Variants in PCDHA10 observed in about 807,000 individuals in gnomAD.
The protein encoded by PCDHA10 is protocadherin alpha 10.
A neutral mutation model predicts 61.2 loss-of-function variants in PCDHA10; 45 were observed. The ratio of observed to expected loss-of-function variants is 0.74; its 90% CI spans 0.58 to 0.94. The LOEUF (loss-of-function observed/expected upper bound fraction) is 0.94, where lower values mean the gene tolerates loss of function less well. Ranked by LOEUF, PCDHA10 falls within the 40% of genes least tolerant of loss-of-function variation. The pLI is 0.00. For synonymous variants in PCDHA10, 602 were observed against 548.8 expected (o/e 1.10, Z -1.35); for missense variants, 1,278 against 1,236.2 (o/e 1.03, Z -0.51).
At chr5:140,968,657 G>C in intron 1 of PCDHA10, 1 of 1,614,142 alleles carries the variant, frequency 6.2e-7, no homozygotes, top group Non-Finnish European at 8.5e-7. Context: ...TTCTGACCTG[G>C]ACCTCTTTAA....
intron 1 of PCDHA10, chr5:140,863,746 C>T (rs902419131): frequency 8.2e-6 from 2 of 244,508 alleles, no homozygotes; most frequent in Non-Finnish European, 1.6e-5. Context: ...TATTTGTAAT[C>T]CCGGCACTTT....
rs1554189151 is a variant in PCDHA10, at chr5:140,900,427, G to GCA, written c.2388+41992_2388+41993insAC. On this transcript the variant is annotated intron_variant, in intron 1 of 3. Transcript: ENST00000307360. ...CAAGTAGCTGGGATTATAGGCACGT[G>GCA]CCACCACGGCCGGCTAATTTTTTAT... 7.9e-5 allele frequency among the ~76,000 whole-genome samples: 12 copies of GCA among 152,230 alleles called. No homozygotes were observed. The East Asian group carries it at 2.3e-3, about 30-fold the overall frequency.
chr5:140,978,406 T>C (rs1268497033), intron 1 of PCDHA10, among the ~76,000 whole-genome samples: 1 of 152,206 alleles, frequency 6.6e-6, no homozygotes, highest in African/African-American at 2.4e-5. Context: ...CCCTCTTCAA[T>C]CAGAAAAGAG....
At chr5:140,882,212 G>A in intron 1 of PCDHA10, 1 of 1,539,436 alleles carries the variant, frequency 6.5e-7, no homozygotes. Context: ...TTGAGAGACA[G>A]TTTGAGGTAA....
chr5:140,875,040 T>G (rs1369679625), intron 1 of PCDHA10, among the ~76,000 whole-genome samples: 1 of 152,234 alleles, frequency 6.6e-6, no homozygotes, highest in East Asian at 1.9e-4. Context: ...ATTTGAAAGA[T>G]TTCTACTTTG....
At chr5:140,968,317 A>T (rs144335538) in intron 1 of PCDHA10, 17,308 of 1,614,002 alleles carry the variant, frequency 0.011, 130 homozygotes, top group Non-Finnish European at 0.013. Flanking sequence ...AAGGGCTGCC[A>T]GTCACCTCCT....
chr5:140,874,953 G>C (rs2055192015), intron 1 of PCDHA10, among the ~76,000 whole-genome samples: 1 of 152,212 alleles, frequency 6.6e-6, no homozygotes, highest in Admixed American at 6.5e-5. Flanking sequence ...GGAATTGTAA[G>C]CTATATAAGG....
chr5:140,898,674 C>G (rs1174441906), intron 1 of PCDHA10, among the ~76,000 whole-genome samples: 1 of 152,160 alleles, frequency 6.6e-6, no homozygotes, highest in Non-Finnish European at 1.5e-5. Context: ...GTGTTGCGGG[C>G]TGTTTTTTGG....
At chr5:140,953,408 TG>T (rs782455726) in intron 1 of PCDHA10, among the ~76,000 whole-genome samples, 5 of 152,168 alleles carry the variant, frequency 3.3e-5, no homozygotes, top group Non-Finnish European at 5.9e-5. Context: ...CTGTTGCTCC[TG>T]GCTCCTCCCC....
chr5:140,907,111 C>T (rs1465808747), intron 1 of PCDHA10, among the ~76,000 whole-genome samples: 1 of 152,130 alleles, frequency 6.6e-6, no homozygotes, highest in African/African-American at 2.4e-5. Flanking sequence ...ACTTCCACCC[C>T]TTGATTCCTG....
rs2153463747 is a variant in PCDHA10 at position 140,899,363 on chromosome 5, C to G, written c.2388+40927C>G. On this transcript the variant is annotated intron_variant, in intron 1 of 3. Coordinates refer to ENST00000307360, the MANE Select transcript of PCDHA10 (RefSeq NM_018901.4). ...AGCTCTTATTATTTTGAGATATGTC[C>G]CATCAATACCTAATTTATTGAGAGT... Among the ~76,000 whole-genome samples, 3 of 152,122 alleles carry G rather than the reference C, an allele frequency of 2.0e-5. No individual in the cohort carries two copies. The South Asian group carries it at 6.2e-4, about 32-fold the overall frequency.
chr5:140,992,414 G>T (rs868994021), intron 3 of PCDHA10, among the ~76,000 whole-genome samples: 1 of 152,128 alleles, frequency 6.6e-6, no homozygotes, highest in African/African-American at 2.4e-5. Flanking sequence ...TCTGCCCCAG[G>T]TCTAAGAATA....
At chr5:141,000,422 T>TATC (rs1491457105) in intron 3 of PCDHA10, among the ~76,000 whole-genome samples, 2 of 51,852 alleles carry the variant, frequency 3.9e-5, no homozygotes, top group African/African-American at 1.7e-4. Context: ...TATATATATA[T>TATC]TTTTTTTTTT....
intron 1 of PCDHA10, chr5:140,882,537 T>C (rs1582624652): frequency 6.2e-7 from 1 of 1,614,176 alleles, no homozygotes; most frequent in East Asian, 2.2e-5. Context: ...AATTCTCGGA[T>C]CGACCGCGAG....
chr5:140,927,098 A>G (rs1554204018), intron 1 of PCDHA10: 4 of 1,613,286 alleles, frequency 2.5e-6, no homozygotes, highest in Non-Finnish European at 3.4e-6. Flanking sequence ...TTCGGGGTGG[A>G]TCTACCCAGC....
intron 3 of PCDHA10, among the ~76,000 whole-genome samples, chr5:141,003,515 G>C (rs1402480495): frequency 1.3e-5 from 2 of 152,114 alleles, no homozygotes; most frequent in Admixed American, 6.5e-5. Flanking sequence ...GTTTCACCAT[G>C]TTCCCTAGGC....
chr5:140,925,905 G>A (rs1241819632), intron 1 of PCDHA10, among the ~76,000 whole-genome samples: 1 of 151,822 alleles, frequency 6.6e-6, no homozygotes, highest in Admixed American at 6.6e-5. Flanking sequence ...GATCGTCAAG[G>A]GCCGTTTGCA....
At chr5:140,963,060 T>C (rs539314958) in intron 1 of PCDHA10, among the ~76,000 whole-genome samples, 11 of 152,154 alleles carry the variant, frequency 7.2e-5, no homozygotes, top group Non-Finnish European at 1.6e-4. Context: ...GGTTTCTACA[T>C]TGTGAAGGAG....
intron 1 of PCDHA10, among the ~76,000 whole-genome samples, chr5:140,872,366 C>T (rs1474545806): frequency 5.3e-5 from 8 of 152,126 alleles, no homozygotes; most frequent in African/African-American, 1.4e-4. Flanking sequence ...GTGGTTCAGG[C>T]CTGTAATCCC....
Sources: allele counts gnomAD v4.1 joint callset (sites outside exome capture counted in the v4.1 genomes callset), GRCh38; gene constraint gnomAD v4.1.1; transcripts MANE v1.5; gene names NCBI Gene and HGNC (gene_info 2026-07-23, HGNC 2026-07-21).